Variants in UNC5D observed in about 807,000 individuals in gnomAD.
The protein encoded by UNC5D is unc-5 netrin receptor D.
UNC5D carries 39 observed loss-of-function variants against 105.4 expected under a neutral mutation model. The observed-to-expected ratio is 0.37, with a 90% CI of 0.29 to 0.48. The LOEUF (loss-of-function observed/expected upper bound fraction) is 0.48, where lower values mean the gene tolerates loss of function less well. Ranked by LOEUF, UNC5D falls within the 20% of genes least tolerant of loss-of-function variation. The pLI is 0.98. For missense variants in UNC5D, 991 were observed against 1,202.4 expected (o/e 0.82, Z 2.60); for synonymous variants, 452 against 450.4 (o/e 1.00, Z -0.04).
intron 1 of UNC5D, among the ~76,000 whole-genome samples, chr8:35,427,235 G>A (rs911599129): frequency 3.9e-5 from 6 of 152,048 alleles, no homozygotes; most frequent in South Asian, 2.1e-4. Flanking sequence ...ATTCAAGGCC[G>A]GCTTTCACTT....
chr8:35,528,202 C>G (rs1337691671), intron 1 of UNC5D, among the ~76,000 whole-genome samples: 19 of 151,484 alleles, frequency 1.3e-4, no homozygotes, highest in Admixed American at 1.1e-3. Flanking sequence ...CCCGCTCCCC[C>G]CACCCCACCA....
intron 1 of UNC5D, among the ~76,000 whole-genome samples, chr8:35,269,859 A>T (rs1805153104): frequency 6.6e-6 from 1 of 152,068 alleles, no homozygotes; most frequent in African/African-American, 2.4e-5. Context: ...GGAGATTCAA[A>T]CTCAGGTCTG....
chr8:35,771,532 C>T (rs1586620569), intron 15 of UNC5D, among the ~76,000 whole-genome samples: 2 of 152,242 alleles, frequency 1.3e-5, no homozygotes. Context: ...TTTTACAAAC[C>T]ATGATAAAAA....
At chr8:35,349,439 A>G (rs779332797) in intron 1 of UNC5D, among the ~76,000 whole-genome samples, 10 of 151,294 alleles carry the variant, frequency 6.6e-5, no homozygotes, top group Non-Finnish European at 1.3e-4. Flanking sequence ...TTTCATTACT[A>G]TTGCCACTGA....
At chr8:35,501,271 T>G (rs1342600437) in intron 1 of UNC5D, among the ~76,000 whole-genome samples, 1 of 152,254 alleles carries the variant, frequency 6.6e-6, no homozygotes, top group Non-Finnish European at 1.5e-5. Context: ...TTCCAGGTGC[T>G]GCCTGACCAA....
At chr8:35,406,134 A>G (rs1585768110) in intron 1 of UNC5D, among the ~76,000 whole-genome samples, 1 of 152,278 alleles carries the variant, frequency 6.6e-6, no homozygotes, top group East Asian at 1.9e-4. Flanking sequence ...CTCAAACGGG[A>G]TAGACTAGCG....
chr8:35,783,103 A>T (rs1333425937), intron 16 of UNC5D, among the ~76,000 whole-genome samples: 2 of 151,910 alleles, frequency 1.3e-5, no homozygotes, highest in Non-Finnish European at 2.9e-5. Context: ...TGATCGCACC[A>T]CTGCACTCCA....
intron 1 of UNC5D, among the ~76,000 whole-genome samples, chr8:35,249,702 AG>A (rs1803562070): frequency 2.0e-5 from 3 of 152,120 alleles, no homozygotes; most frequent in Non-Finnish European, 4.4e-5. Context: ...ACGTGCAAAA[AG>A]CAATCCCTGT....
At chr8:35,496,502 A>G (rs915587246) in intron 1 of UNC5D, among the ~76,000 whole-genome samples, 1 of 152,184 alleles carries the variant, frequency 6.6e-6, no homozygotes, top group Non-Finnish European at 1.5e-5. Context: ...GGAAAGAGAT[A>G]AATAACTCAG....
intron 1 of UNC5D, among the ~76,000 whole-genome samples, chr8:35,410,897 T>G (rs79281537): frequency 0.021 from 3,142 of 152,232 alleles, 118 homozygotes; most frequent in African/African-American, 0.073. Flanking sequence ...AACTGTGTTT[T>G]ATATTTCCTT....
chr8:35,656,019 G>A (rs989132357), intron 4 of UNC5D, among the ~76,000 whole-genome samples: 7 of 152,160 alleles, frequency 4.6e-5, no homozygotes, highest in Non-Finnish European at 8.8e-5. Context: ...AAGGAACATC[G>A]TAGTTTTTAA....
intron 1 of UNC5D, among the ~76,000 whole-genome samples, chr8:35,294,288 T>C (rs1807300631): frequency 6.6e-6 from 1 of 152,198 alleles, no homozygotes; most frequent in Non-Finnish European, 1.5e-5. Context: ...TCCTAGGTGG[T>C]ACTTTCTCCT....
At chr8:35,543,877 A>G (rs1469670840) in intron 1 of UNC5D, among the ~76,000 whole-genome samples, 2 of 152,184 alleles carry the variant, frequency 1.3e-5, no homozygotes, top group Non-Finnish European at 2.9e-5. Context: ...CTCACAGATA[A>G]TGTGTGTTTT....
At chr8:35,422,013 C>T (rs1164246217) in intron 1 of UNC5D, among the ~76,000 whole-genome samples, 2 of 152,252 alleles carry the variant, frequency 1.3e-5, no homozygotes, top group South Asian at 4.1e-4. Flanking sequence ...AATCTTTTTT[C>T]AACAATTGTT....
chr8:35,496,008 T>C (rs930686798), intron 1 of UNC5D, among the ~76,000 whole-genome samples: 4 of 152,178 alleles, frequency 2.6e-5, no homozygotes, highest in African/African-American at 9.6e-5. Context: ...CACCTCATCA[T>C]AGTGGGGAAT....
chr8:35,613,669 C>T (rs1274472669), intron 4 of UNC5D, among the ~76,000 whole-genome samples: 1 of 152,006 alleles, frequency 6.6e-6, no homozygotes, highest in Admixed American at 6.6e-5. Flanking sequence ...GGAAACATGG[C>T]AAAACCCCAT....
At chr8:35,591,931 G>T (rs369465080) in intron 3 of UNC5D, among the ~76,000 whole-genome samples, 1 of 152,158 alleles carries the variant, frequency 6.6e-6, no homozygotes, top group African/African-American at 2.4e-5. Context: ...GAGCAGAAGG[G>T]TATGGAGCTC....
chr8:35,772,979 C>T (rs553281854), intron 15 of UNC5D, among the ~76,000 whole-genome samples: 1 of 152,124 alleles, frequency 6.6e-6, no homozygotes, highest in Admixed American at 6.5e-5. Flanking sequence ...GTTTGCTTTC[C>T]TCTAGACAAG....
rs753317133 is a variant in UNC5D, at chr8:35,549,357, A to T, written c.169A>T (p.Ile57Leu). Reference sequence around the variant, plus strand: ...AGCTCCTGGGACACTGCCTCATTTCATAGAGGAGCCAGATGATGCTTATAT... The same window carrying T: ...AGCTCCTGGGACACTGCCTCATTTCTTAGAGGAGCCAGATGATGCTTATAT... ...PSAPGTLPHF[I>L]EEPDDAYIIK... The change falls in exon 2 of 17, where the codon ATA becomes TTA. Residue 57 changes from isoleucine (I) to leucine (L), a missense_variant. This residue lies in a region of UNC5D where 944 missense variants were observed against 1,131.6 expected (regional missense o/e 0.83). Coordinates refer to ENST00000404895, the MANE Select transcript of UNC5D (RefSeq NM_080872.4). 18 of 1,613,464 alleles carry T rather than the reference A, an allele frequency of 1.1e-5. No individual in the cohort carries two copies. The African/African-American group carries it at 2.3e-4, about 20-fold the overall frequency.
Sources: gnomAD v4.1 joint callset for allele counts (sites outside exome capture counted in the v4.1 genomes callset) on GRCh38, gnomAD v4.1.1 for gene constraint, gnomAD v4.1.1 regional missense constraint, MANE v1.5 for transcripts, NCBI Gene and HGNC (gene_info 2026-07-23, HGNC 2026-07-21) for gene names.